CIT: variants seen among roughly 807,000 people sequenced by gnomAD.
CIT encodes the protein citron rho-interacting serine/threonine kinase.
CIT carries 79 observed loss-of-function variants against 272.7 expected under a neutral mutation model. That is an observed-to-expected ratio of 0.29 (90% CI 0.24 to 0.35). The LOEUF is 0.35. CIT is among the 10% of genes least tolerant of loss of function. The pLI is 1.00. For missense variants in CIT, 1,909 were observed against 2,618.3 expected, an observed-to-expected ratio of 0.73 and a Z score of 5.91; for synonymous variants, 948 against 995.6, an observed-to-expected ratio of 0.95 and a Z score of 0.90.
chr12:119,802,681 C>T (rs972746644), intron 10 of CIT, among the ~76,000 whole-genome samples: 3 of 152,130 alleles, frequency 2.0e-5, no homozygotes, highest in Admixed American at 6.5e-5. Context: ...GGAGAGGAGC[C>T]GAGCACCATC....
At position 119,718,354 on chromosome 12, in the gene CIT, C is replaced by A; in HGVS notation, c.4059G>T (p.Arg1353Ser). ...CGATGGCGGACATGGCGATCTGCTG[C>A]CTCGCGGTGGCTGGCGTGGATGGGT... The part of the protein sequence containing the change: ...HPHPSTPATA[R>S]QQIAMSAIVR... Residue 1353 changes from arginine to serine, a missense_variant, in exon 32 of 48, where the codon AGG (arginine) becomes AGT (serine). Physicochemically the swap from Arg to Ser is moderately radical, Grantham distance 110 (BLOSUM62 -1). Transcript: ENST00000392521. The surrounding 1 kb of genome is among the most constrained non-coding windows in gnomAD (Gnocchi z 4.8). 6.2e-7 allele frequency: 1 copy of A among 1,614,036 alleles called. No homozygotes were observed. The highest frequency in any genetic ancestry group is 1.3e-5 in the African/African-American group (1 of 75,048).
At chr12:119,701,570 G>T in intron 43 of CIT, 54 bp downstream of exon 43, 1 of 1,594,126 alleles carries the variant, frequency 6.3e-7, no homozygotes, top group South Asian at 1.1e-5. Flanking sequence ...ACCCCTCATG[G>T]GTCCCTAGTG....
chr12:119,856,295 TAG>T (rs1246578678), intron 4 of CIT, among the ~76,000 whole-genome samples: 4 of 152,114 alleles, frequency 2.6e-5, no homozygotes, highest in Non-Finnish European at 5.9e-5. Context: ...GTATAATGGA[TAG>T]AGAGTTTCTG....
At position 119,700,811 on chromosome 12, in the gene CIT, C is replaced by G. The variant is rs1460700555; in HGVS notation, c.5557G>C (p.Val1853Leu). The change falls in exon 44 of 48, where the codon GTG becomes CTG. Residue 1853 changes from valine to leucine, a missense_variant. Around this residue, in one of 8 missense-constraint regions of CIT, gnomAD observed 780 missense variants for 1,067.2 expected, o/e 0.73. Transcript: ENST00000392521. ...CGGCTACGTCTTCCGTAAGAATCCA[C>G]GAACACTCCAAATTCTGCAAGGTGT... is the stretch of plus-strand genomic sequence containing the variant. Reference protein sequence around the residue: ...LLCFHEFGVFVDSYGRRSRTD... With the variant: ...LLCFHEFGVFLDSYGRRSRTD... The G allele has an allele frequency of 1.2e-6, 2 of 1,613,842 alleles. No homozygotes were observed. Among genetic ancestry groups the G allele is most frequent in the East Asian group, 2.2e-5 (1 of 44,822 alleles).
intron 22 of CIT, 121 bp downstream of exon 22, chr12:119,757,250 G>A (rs757139669): frequency 7.9e-6 from 10 of 1,259,752 alleles, no homozygotes; most frequent in Non-Finnish European, 1.0e-5. Context: ...CCTCAAGTCT[G>A]CCCCCTTAAC....
At chr12:119,820,356 G>T (rs1469433143) in intron 9 of CIT, among the ~76,000 whole-genome samples, 1 of 152,188 alleles carries the variant, frequency 6.6e-6, no homozygotes, top group African/African-American at 2.4e-5. Flanking sequence ...CTTGAGATCA[G>T]CCTGACCAAC....
chr12:119,845,943 A>AAC (rs58381184), intron 5 of CIT, among the ~76,000 whole-genome samples: 52,319 of 136,806 alleles, frequency 0.38, 10,143 homozygotes, highest in East Asian at 0.5. Context: ...TCCATCTCAA[A>AAC]ACACACACAC....
chr12:119,828,499 C>A (rs868073025), intron 7 of CIT, among the ~76,000 whole-genome samples: 1 of 152,028 alleles, frequency 6.6e-6, no homozygotes, highest in Non-Finnish European at 1.5e-5. Context: ...AAAAGTGAAA[C>A]TGTAGTAGGG....
Position 119,712,878 on chromosome 12 carries a change from AT to A in CIT, c.4580-184del, listed in dbSNP as rs1030771783. 3.4e-6 allele frequency: 2 copies of A among 590,054 alleles called. No individual in the cohort carries two copies. Among genetic ancestry groups the A allele is most frequent in the Non-Finnish European group, 6.0e-6 (2 of 333,860 alleles). 36.6% of individuals were successfully genotyped at this position (590,054 alleles called of 1,614,324 possible). On this transcript the variant is annotated intron_variant, in intron 35 of 47. Coordinates refer to ENST00000392521, the MANE Select transcript of CIT (RefSeq NM_001206999.2). This position sits in a 1 kb window ranked among gnomAD's most constrained non-coding sequence, Gnocchi z 5.2. ...AGGCAGAGAGGGAAGATAAAAAAAAATAAAGTGTGTCAGATGAGTAGCACAG... is the reference window on the plus strand; with the variant it reads ...AGGCAGAGAGGGAAGATAAAAAAAAAAAAGTGTGTCAGATGAGTAGCACAG...
At position 119,701,854 on chromosome 12, in the gene CIT, G is replaced by A. The variant is rs779034565; in HGVS notation, c.5409C>T (p.Leu1803=). ...FYEIDMKQYT[L]EEFLDKNDHS... is the part of the protein sequence containing the mutation. ...GAAAGTGGAGGTGGGTCCTACCCTC[G>A]AGCGTGTACTGCTTCATGTCGATTT... The change falls in exon 42 of 48, where the codon CTC becomes CTT. Residue 1803 remains leucine, a synonymous_variant. Coordinates refer to ENST00000392521, the MANE Select transcript of CIT (RefSeq NM_001206999.2). 7 of 1,613,948 alleles carry A rather than the reference G, an allele frequency of 4.3e-6. No homozygotes were observed. Among genetic ancestry groups the A allele is most frequent in the Admixed American group, 3.3e-5 (2 of 60,014 alleles).
At chr12:119,819,190 T>C (rs1343951181) in intron 9 of CIT, among the ~76,000 whole-genome samples, 1 of 152,178 alleles carries the variant, frequency 6.6e-6, no homozygotes, top group East Asian at 1.9e-4. Context: ...AAACCAATCT[T>C]GTGGGAGGCT....
intron 19 of CIT, among the ~76,000 whole-genome samples, chr12:119,762,000 C>T (rs142988808): frequency 1.8e-4 from 27 of 152,284 alleles, no homozygotes; most frequent in African/African-American, 6.5e-4. Flanking sequence ...AGGCTCCATT[C>T]GACTTTTCCA....
chr12:119,692,668 G>A (rs578211098), intron 46 of CIT, among the ~76,000 whole-genome samples: 47 of 152,302 alleles, frequency 3.1e-4, no homozygotes, highest in East Asian at 2.3e-3. Context: ...TCACAAAGCC[G>A]AAAATATTTA....
At chr12:119,803,539 A>G (rs1018503980) in intron 9 of CIT, 150 bp from the exon 10 acceptor site, 10 of 536,418 alleles carry the variant, frequency 1.9e-5, no homozygotes, top group Non-Finnish European at 3.3e-5. Flanking sequence ...CTCGGCTCCT[A>G]CAGCAACAAG....
Position 119,772,482 on chromosome 12 carries a change from C to T in CIT, c.2082+288G>A, listed in dbSNP as rs370544800. The stretch of plus-strand genomic sequence containing the variant: ...AAAGAAAAAACCAGTGATGGAGCTT[C>T]GGTTTACCTATAAAAATCAAAATTC... On this transcript the variant is annotated intron_variant, in intron 17 of 47. Transcript: ENST00000392521. Among the ~76,000 whole-genome samples the T allele has an allele frequency of 3.0e-4, 45 of 152,246 alleles. 2 individuals are homozygous for T. The South Asian group carries it at 7.1e-3, about 24-fold the overall frequency.
chr12:119,705,694 C>T (rs1956832489), intron 40 of CIT, among the ~76,000 whole-genome samples: 1 of 139,226 alleles, frequency 7.2e-6, no homozygotes, highest in African/African-American at 2.6e-5. Flanking sequence ...ATCACTTGAA[C>T]CTGGGAGGCA....
rs1310081394 is a variant in CIT at position 119,697,330 on chromosome 12, C to T, written c.5882+329G>A. On this transcript the variant is annotated intron_variant, in intron 46 of 47. Transcript: ENST00000392521. This position sits in a 1 kb window ranked among gnomAD's most constrained non-coding sequence, Gnocchi z 4.9. ...TGCTTTATTCACCATTCTCCCTCCC[C>T]CACAAGCCCAACAACTAGCACCGCA... 6.6e-6 allele frequency among the ~76,000 whole-genome samples: 1 copy of T among 152,182 alleles called. No individual in the cohort carries two copies. The highest frequency in any genetic ancestry group is 3.2e-3 in the Middle Eastern group (1 of 316).
At chr12:119,773,231 C>A (rs1265750227) in intron 16 of CIT, among the ~76,000 whole-genome samples, 1 of 152,018 alleles carries the variant, frequency 6.6e-6, no homozygotes, top group Non-Finnish European at 1.5e-5. Flanking sequence ...GTGTATCTGA[C>A]CATCATTAGC....
rs1268795518 is a variant in CIT, at chr12:119,772,844, C to T, written c.2008G>A (p.Glu670Lys). ...TTCTGCAGCTTCTCCAGCTCCCTCT[C>T]GGCTCGCTCCTTTGCCTGGCGGATA... is the stretch of plus-strand genomic sequence containing the variant. Reference protein sequence around the residue: ...QNIRQAKERAERELEKLQNRE... With the variant: ...QNIRQAKERAKRELEKLQNRE... Residue 670 changes from glutamate to lysine, a missense_variant, in exon 17 of 48, where the codon GAG (glutamate) becomes AAG (lysine). This residue lies in a region of CIT where 530 missense variants were observed against 822.4 expected (regional missense o/e 0.64). Coordinates refer to ENST00000392521, the MANE Select transcript of CIT (RefSeq NM_001206999.2). 2.5e-6 allele frequency: 4 copies of T among 1,613,942 alleles called. No individual in the cohort carries two copies. The highest frequency in any genetic ancestry group is 3.4e-6 in the Non-Finnish European group (4 of 1,180,022).
Sources: gnomAD v4.1 joint callset for allele counts (sites outside exome capture counted in the v4.1 genomes callset) on GRCh38, gnomAD v4.1.1 for gene constraint, gnomAD v4.1.1 regional missense constraint, Gnocchi (gnomAD v3.1) non-coding constraint, MANE v1.5 for transcripts, NCBI Gene and HGNC (gene_info 2026-07-23, HGNC 2026-07-21) for gene names.